CADM2: variants seen among roughly 807,000 people sequenced by gnomAD.
CADM2 encodes immunoglobulin superfamily member 4D.
In CADM2, 12 loss-of-function variants were observed where a neutral mutation model predicts 49.8. The ratio of observed to expected loss-of-function variants is 0.24; its 90% CI spans 0.15 to 0.39. The LOEUF is 0.39. Among genes scored for constraint, CADM2 ranks in the 10% least tolerant of loss-of-function variants. CADM2 has a pLI of 1.00. For synonymous variants in CADM2, 214 were observed against 175.4 expected (o/e 1.22, Z -1.74); for missense variants, 378 against 492.3 (o/e 0.77, Z 2.20).
At chr3:86,033,330 T>A (rs1408382551) in intron 8 of CADM2, among the ~76,000 whole-genome samples, 1 of 152,084 alleles carries the variant, frequency 6.6e-6, no homozygotes, top group African/African-American at 2.4e-5. Context: ...AGATGTAGGT[T>A]AAAAAGTCCT....
chr3:85,613,432 T>A (rs912291634), intron 1 of CADM2, among the ~76,000 whole-genome samples: 6 of 151,664 alleles, frequency 4.0e-5, no homozygotes, highest in African/African-American at 1.2e-4. Flanking sequence ...AGGAACCAAT[T>A]CGTTGCAAAA....
intron 1 of CADM2, among the ~76,000 whole-genome samples, chr3:85,347,557 A>C (rs1481515636): frequency 7.0e-6 from 1 of 143,400 alleles, no homozygotes; most frequent in East Asian, 2.0e-4. Flanking sequence ...ATATATATAC[A>C]CACATATATA....
intron 1 of CADM2, among the ~76,000 whole-genome samples, chr3:85,150,766 A>G (rs961369548): frequency 2.0e-5 from 3 of 151,584 alleles, no homozygotes; most frequent in Non-Finnish European, 4.4e-5. Context: ...AAAATTAGCC[A>G]GGTATGGTGG....
chr3:85,898,955 A>ATATATATATATATAT (rs1475991339), intron 5 of CADM2, among the ~76,000 whole-genome samples: 3 of 33,910 alleles, frequency 8.8e-5, no homozygotes, highest in African/African-American at 4.4e-4. Context: ...ATATATATAT[A>ATATATATATATATAT]TTTTTTTTTT....
chr3:85,069,167 G>A (rs564012748), intron 1 of CADM2, among the ~76,000 whole-genome samples: 1 of 151,764 alleles, frequency 6.6e-6, no homozygotes, highest in African/African-American at 2.4e-5. Context: ...TTTCCCATGG[G>A]GAAGAATAAT....
At chr3:85,599,557 C>T (rs2063337637) in intron 1 of CADM2, among the ~76,000 whole-genome samples, 1 of 151,848 alleles carries the variant, frequency 6.6e-6, no homozygotes, top group Admixed American at 6.6e-5. Context: ...TTTCCCTGTT[C>T]CTAATGTTAA....
chr3:85,271,360 A>T (rs370912240), intron 1 of CADM2, among the ~76,000 whole-genome samples: 41 of 151,464 alleles, frequency 2.7e-4, no homozygotes, highest in Middle Eastern at 3.4e-3. Flanking sequence ...TTATTATCAA[A>T]ATGCCTTAAT....
At chr3:85,677,149 AG>A (rs1265444098) in intron 1 of CADM2, among the ~76,000 whole-genome samples, 1 of 152,166 alleles carries the variant, frequency 6.6e-6, no homozygotes, top group Non-Finnish European at 1.5e-5. Context: ...ACTTAGGTTA[AG>A]CTCCCTTCTG....
intron 2 of CADM2, among the ~76,000 whole-genome samples, chr3:85,748,086 G>T (rs2068692865): frequency 6.6e-6 from 1 of 151,990 alleles, no homozygotes; most frequent in African/African-American, 2.4e-5. Flanking sequence ...GCATGTGTGT[G>T]AAATTGTTTT....
intron 1 of CADM2, among the ~76,000 whole-genome samples, chr3:85,039,875 C>G (rs529263049): frequency 6.6e-6 from 1 of 152,194 alleles, no homozygotes; most frequent in African/African-American, 2.4e-5. Flanking sequence ...AAAGAAAAAA[C>G]GGCTTCACCC....
At chr3:85,203,536 C>T (rs948424516) in intron 1 of CADM2, among the ~76,000 whole-genome samples, 15 of 152,100 alleles carry the variant, frequency 9.9e-5, no homozygotes, top group Admixed American at 4.6e-4. Flanking sequence ...CAGTTATTAT[C>T]ATCAAAGATA....
Position 85,324,692 on chromosome 3 carries a change from T to G in CADM2, c.61+365024T>G, listed in dbSNP as rs762361917. Reference sequence around the variant, plus strand: ...GCATTATTCTATCCAGAAAGAGAAATGGGAGCTTTGTAAACTCTGTGTGAA... The same window carrying G: ...GCATTATTCTATCCAGAAAGAGAAAGGGGAGCTTTGTAAACTCTGTGTGAA... On this transcript the variant is annotated intron_variant, in intron 1 of 9. Coordinates refer to ENST00000383699, the MANE Select transcript of CADM2 (RefSeq NM_001167675.2). Among the ~76,000 whole-genome samples, 2 of 152,216 alleles carry G rather than the reference T, an allele frequency of 1.3e-5. 1 individual carries two copies. Among genetic ancestry groups the G allele is most frequent in the Non-Finnish European group, 2.9e-5 (2 of 68,024 alleles).
intron 1 of CADM2, among the ~76,000 whole-genome samples, chr3:85,047,928 CAG>C (rs1347717131): frequency 6.6e-6 from 1 of 152,086 alleles, no homozygotes; most frequent in East Asian, 1.9e-4. Context: ...AAGTTTTCTG[CAG>C]AGTGACAGTA....
chr3:86,012,377 T>A (rs570582935), intron 8 of CADM2, among the ~76,000 whole-genome samples: 1 of 152,330 alleles, frequency 6.6e-6, no homozygotes, highest in Non-Finnish European at 1.5e-5. Flanking sequence ...CTTTATTGTC[T>A]TGTTGTCATG....
At chr3:85,663,841 A>T (rs1021405193) in intron 1 of CADM2, among the ~76,000 whole-genome samples, 3 of 151,972 alleles carry the variant, frequency 2.0e-5, no homozygotes, top group African/African-American at 7.2e-5. Flanking sequence ...GGTTTATGCT[A>T]TCTGTACTTG....
At chr3:85,265,390 C>G (rs140204447) in intron 1 of CADM2, among the ~76,000 whole-genome samples, 13 of 151,952 alleles carry the variant, frequency 8.6e-5, no homozygotes, top group Non-Finnish European at 1.8e-4. Context: ...GCTTATGGTT[C>G]TAGAGGCTGA....
chr3:85,535,426 C>T (rs1453837013), intron 1 of CADM2, among the ~76,000 whole-genome samples: 1 of 152,128 alleles, frequency 6.6e-6, no homozygotes, highest in Non-Finnish European at 1.5e-5. Flanking sequence ...AAATAAACAT[C>T]TGGGAACGTT....
intron 2 of CADM2, chr3:85,800,181 AT>A (rs1189571701): frequency 1.3e-5 from 2 of 152,196 alleles, no homozygotes; most frequent in Non-Finnish European, 2.9e-5. Context: ...CTTTGTTTAC[AT>A]TGTGAGGGGC....
chr3:85,049,321 G>A (rs1214281880), intron 1 of CADM2, among the ~76,000 whole-genome samples: 1 of 124,186 alleles, frequency 8.1e-6, no homozygotes, highest in East Asian at 2.5e-4. Flanking sequence ...ATTTGTTGCA[G>A]GTTTAGTTTA....
Sources: gnomAD v4.1 joint callset for allele counts (sites outside exome capture counted in the v4.1 genomes callset) on GRCh38, gnomAD v4.1.1 for gene constraint, MANE v1.5 for transcripts, NCBI Gene and HGNC (gene_info 2026-07-23, HGNC 2026-07-21) for gene names.